The following CCDC33 variants were observed in gnomAD, a reference collection of about 807,000 sequenced individuals.
CCDC33 encodes coiled-coil domain-containing protein 33.
Under a neutral mutation model 91.9 loss-of-function variants are expected in CCDC33, and 94 were observed. The ratio of observed to expected loss-of-function variants is 1.02; its 90% CI spans 0.87 to 1.21. CCDC33 has a LOEUF of 1.21. Ranked by LOEUF, CCDC33 falls within the 50% of genes most tolerant of loss-of-function variation. The probability of loss-of-function intolerance (pLI) is 0.00; values close to 1 mark genes in which losing one functional copy is unlikely to be tolerated. For synonymous variants in CCDC33, 396 were observed against 374.5 expected (o/e 1.06, Z -0.66); for missense variants, 940 against 935.5 (o/e 1.00, Z -0.06).
At chr15:74,298,491 T>C (rs904317671) in intron 11 of CCDC33, among the ~76,000 whole-genome samples, 4 of 152,182 alleles carry the variant, frequency 2.6e-5, no homozygotes, top group African/African-American at 9.7e-5. Context: ...AGATTGCAGC[T>C]TGAGAAGTCA....
At position 74,244,205 on chromosome 15, in the gene CCDC33, A is replaced by G; in HGVS notation, c.185+57A>G. The G allele has an allele frequency of 6.4e-7, 1 of 1,559,868 alleles. No individual in the cohort carries two copies. Among genetic ancestry groups the G allele is most frequent in the Non-Finnish European group, 8.7e-7 (1 of 1,149,690 alleles). ...ATGGGTTGGGCTGTGAGCAGAAACC[A>G]GGGGACAGCTATTTGGAATACTAGC... On this transcript the variant is annotated intron_variant, in intron 2 of 18. Coordinates refer to ENST00000398814, the MANE Select transcript of CCDC33 (RefSeq NM_025055.5). This position sits in a 1 kb window ranked among gnomAD's most constrained non-coding sequence, Gnocchi z 4.2.
At chr15:74,211,153 GCA>G (rs71137380) in intron 2 of CCDC33, among the ~76,000 whole-genome samples, 12,684 of 148,554 alleles carry the variant, frequency 0.085, 830 homozygotes, top group African/African-American at 0.19. Flanking sequence ...GCACGCACAC[GCA>G]CACACACACA....
intron 2 of CCDC33, among the ~76,000 whole-genome samples, chr15:74,261,957 G>A: frequency 6.6e-6 from 1 of 152,236 alleles, no homozygotes; most frequent in East Asian, 1.9e-4. Flanking sequence ...GGATTGCCGG[G>A]TGGAGCCTGG....
chr15:74,313,523 G>T (rs764236985), intron 11 of CCDC33, among the ~76,000 whole-genome samples: 10 of 147,676 alleles, frequency 6.8e-5, no homozygotes, highest in Admixed American at 6.9e-5. Context: ...GGGTTCAAGC[G>T]ATTCTCCTGC....
intron 10 of CCDC33, among the ~76,000 whole-genome samples, chr15:74,285,718 G>C (rs537975591): frequency 6.6e-6 from 1 of 152,136 alleles, no homozygotes; most frequent in East Asian, 1.9e-4. Context: ...GAAGGTGGTT[G>C]GTTGGTGATG....
At chr15:74,221,849 G>T (rs770113214) in intron 2 of CCDC33, among the ~76,000 whole-genome samples, 2 of 152,038 alleles carry the variant, frequency 1.3e-5, no homozygotes, top group East Asian at 3.9e-4. Context: ...CACTACACTC[G>T]TCCCACCCCC....
At chr15:74,249,209 G>A (rs922709850) in intron 2 of CCDC33, among the ~76,000 whole-genome samples, 2 of 152,084 alleles carry the variant, frequency 1.3e-5, no homozygotes, top group Non-Finnish European at 2.9e-5. Context: ...ACTTGAGGCC[G>A]GGTGCAGCGG....
chr15:74,300,873 A>T (rs2059782474), intron 11 of CCDC33: 1 of 152,312 alleles, frequency 6.6e-6, no homozygotes, highest in Non-Finnish European at 1.5e-5. Flanking sequence ...ACTGCAACCC[A>T]ACCATTTCTT....
chr15:74,242,046 G>T (rs61327819), intron 1 of CCDC33, among the ~76,000 whole-genome samples: 41,758 of 152,116 alleles, frequency 0.27, 6,179 homozygotes, highest in East Asian at 0.54. Context: ...GGCACCCCAC[G>T]CTACCGTGAG....
At chr15:74,284,770 G>A (rs1454936390) in intron 10 of CCDC33, among the ~76,000 whole-genome samples, 1 of 152,212 alleles carries the variant, frequency 6.6e-6, no homozygotes, top group Non-Finnish European at 1.5e-5. Flanking sequence ...GCTGAGTACG[G>A]TGATGAGCTA....
intron 11 of CCDC33, among the ~76,000 whole-genome samples, chr15:74,320,005 C>G (rs1217792897): frequency 2.0e-5 from 3 of 152,194 alleles, no homozygotes; most frequent in African/African-American, 7.2e-5. Context: ...AACTGCCTCC[C>G]CTCCCTGGGA....
intron 10 of CCDC33, among the ~76,000 whole-genome samples, chr15:74,291,761 A>G (rs2059588997): frequency 6.6e-6 from 1 of 152,184 alleles, no homozygotes; most frequent in Non-Finnish European, 1.5e-5. Flanking sequence ...GGTAGGAGGA[A>G]GGCAGAGGAT....
intron 2 of CCDC33, among the ~76,000 whole-genome samples, chr15:74,245,364 A>G (rs980664988): frequency 5.3e-5 from 8 of 152,056 alleles, no homozygotes; most frequent in Non-Finnish European, 7.4e-5. Flanking sequence ...TAAAAGCCCC[A>G]TTTGTGCCAG....
chr15:74,315,929 C>T (rs2060081041), intron 11 of CCDC33, among the ~76,000 whole-genome samples: 1 of 152,294 alleles, frequency 6.6e-6, no homozygotes, highest in East Asian at 1.9e-4. Flanking sequence ...GCCCCAATGC[C>T]ACCAGGCATC....
rs777134221 is a variant in CCDC33 at position 74,207,766 on chromosome 15, G to A, written n.90-1622G>A. On this transcript the variant is annotated intron_variant and non_coding_transcript_variant, in intron 1 of 3. Coordinates refer to the CCDC33 transcript ENST00000558645. ...GAGAGTCAACCTCATGCGGGCCCGT[G>A]AGCTTGGGGTGTGCCCTCAGTGGCA... is the stretch of plus-strand genomic sequence containing the variant. The A allele has an allele frequency of 2.6e-6, 4 of 1,535,708 alleles. No individual in the cohort carries two copies. In the South Asian group the frequency reaches 4.8e-5, roughly 18 times the overall value.
At chr15:74,257,648 G>A (rs1678509228) in intron 2 of CCDC33, among the ~76,000 whole-genome samples, 1 of 152,176 alleles carries the variant, frequency 6.6e-6, no homozygotes, top group Non-Finnish European at 1.5e-5. Context: ...GTCAGCACCT[G>A]CATCAGCCAA....
intron 16 of CCDC33, chr15:74,333,447 G>A: frequency 2.6e-6 from 2 of 756,196 alleles, no homozygotes; most frequent in Non-Finnish European, 4.4e-6. Flanking sequence ...GGGCAGGGCA[G>A]GGGCACAGGA....
At chr15:74,213,734 G>T (rs1251512010), upstream of CCDC33, among the ~76,000 whole-genome samples, 1 of 152,206 alleles carries the variant, frequency 6.6e-6, no homozygotes. Flanking sequence ...TGCCCTGTGG[G>T]CCTCTGGCAC....
intron 1 of CCDC33, among the ~76,000 whole-genome samples, chr15:74,207,430 T>C (rs1346008435): frequency 6.6e-6 from 1 of 151,748 alleles, no homozygotes; most frequent in Non-Finnish European, 1.5e-5. Context: ...CTGCAACACC[T>C]CAGGACACTC....
Sources: gnomAD v4.1 joint callset for allele counts (sites outside exome capture counted in the v4.1 genomes callset) on GRCh38, gnomAD v4.1.1 for gene constraint, Gnocchi (gnomAD v3.1) non-coding constraint, MANE v1.5 for transcripts, NCBI Gene and HGNC (gene_info 2026-07-23, HGNC 2026-07-21) for gene names.